The following ZNF563 variants were observed in gnomAD, a reference collection of about 807,000 sequenced individuals.
The protein encoded by ZNF563 is zinc finger protein 563.
A neutral mutation model predicts 48.5 loss-of-function variants in ZNF563; 39 were observed. The ratio of observed to expected loss-of-function variants is 0.80; its 90% confidence interval spans 0.62 to 1.05. The LOEUF (loss-of-function observed/expected upper bound fraction) is 1.05, where lower values mean the gene tolerates loss of function less well. ZNF563 is among the 50% of genes least tolerant of loss of function. The pLI, the probability that ZNF563 is intolerant of heterozygous loss-of-function variation, is 0.00. For missense variants in ZNF563, 538 were observed against 597.0 expected (o/e 0.90, Z 1.03); for synonymous variants, 168 against 187.9 (o/e 0.89, Z 0.87).
At chr19:12,332,600 T>G (rs978042979) in intron 1 of ZNF563, among the ~76,000 whole-genome samples, 1 of 152,146 alleles carries the variant, frequency 6.6e-6, no homozygotes, top group African/African-American at 2.4e-5. Context: ...ACTTTCTTTA[T>G]GGCCCAAGAC....
the ZNF563 span, chr19:12,346,174 G>C: frequency 1.3e-5 from 2 of 151,716 alleles, no homozygotes; most frequent in South Asian, 4.2e-4. Context: ...CAAGCACTTG[G>C]GAGCTGAAAA....
chr19:12,317,964 T>C lies in ZNF563; in HGVS notation c.*630A>G. 1.1e-5 allele frequency: 2 copies of C among 179,726 alleles called. No homozygotes were observed. The allele number at this position is 179,726 out of a possible 1,614,324, so 11.1% of individuals were successfully genotyped here. On this transcript the variant is annotated 3_prime_UTR_variant, in exon 4 of 4. Coordinates refer to ENST00000293725, the MANE Select transcript of ZNF563 (RefSeq NM_145276.3). ...AGAGAACTCAATGCTTTTCTACATT[T>C]CTTACATTCATATGACTTCTCTCCA...
chr19:12,346,866 A>AT, the ZNF563 span: 1 of 152,256 alleles, frequency 6.6e-6, no homozygotes, highest in Non-Finnish European at 1.5e-5. Context: ...ATACTTCCAC[A>AT]TATCTCTCTC....
At chr19:12,331,211 T>A (rs1406104917) in intron 1 of ZNF563, among the ~76,000 whole-genome samples, 2 of 151,916 alleles carry the variant, frequency 1.3e-5, no homozygotes, top group East Asian at 3.9e-4. Context: ...CAGAAATGAG[T>A]GAACAAATCT....
At chr19:12,324,136 C>A (rs1312705537) in intron 1 of ZNF563, among the ~76,000 whole-genome samples, 2 of 152,006 alleles carry the variant, frequency 1.3e-5, no homozygotes, top group African/African-American at 4.8e-5. Flanking sequence ...GGCAGATGGA[C>A]CATTTGAGCC....
At chr19:12,341,568 C>T in the ZNF563 span, among the ~76,000 whole-genome samples, 1 of 152,106 alleles carries the variant, frequency 6.6e-6, no homozygotes, top group African/African-American at 2.4e-5. Context: ...GGGGGGGCTA[C>T]ATCACTATCA....
Position 12,317,922 on chromosome 19 carries a change from G to T in ZNF563, c.*672C>A. 2 of 199,262 alleles carry T rather than the reference G, an allele frequency of 1.0e-5. No homozygotes were observed. 12.3% of individuals were successfully genotyped at this position (199,262 alleles called of 1,614,324 possible). On this transcript the variant is annotated 3_prime_UTR_variant, in exon 4 of 4. Transcript: ENST00000293725. ...GTATCTCTCCAGTGAGTCCTTTTAT[G>T]TCTATGCAAGGACCTGAGAGAACTC...
rs1968565492 is a variant in ZNF563, at chr19:12,319,962, G to A, written c.192-129C>T. ...GATGGAGTCTTGCTCTGTCACCCAG[G>A]CTAGAGTGCAGCGGCACGATCTCGG... On this transcript the variant is annotated intron_variant, in intron 3 of 3. Transcript: ENST00000293725. The A allele has an allele frequency of 5.0e-5, 43 of 858,880 alleles. No homozygotes were observed. In the South Asian group the frequency reaches 7.8e-4, roughly 16 times the overall value. The allele number at this position is 858,880 out of a possible 1,614,324, so 53.2% of individuals were successfully genotyped here.
At position 12,322,608 on chromosome 19, in the gene ZNF563, G is replaced by T. The variant is rs755347373; in HGVS notation, c.107C>A (p.Thr36Asn). 1.1e-5 allele frequency: 17 copies of T among 1,605,024 alleles called. No individual in the cohort carries two copies. Among genetic ancestry groups the T allele is most frequent in the Non-Finnish European group, 1.4e-5 (16 of 1,175,224 alleles). ...ACTTATACAGTCCAGGTTCCTGATG[G>T]TTTCTTGCATCACATATCTGTATAA... ...KNLYRYVMQETIRNLDCIRMI... is the reference protein window; with the variant it reads ...KNLYRYVMQENIRNLDCIRMI... Residue 36 changes from threonine to asparagine, a missense_variant, in exon 2 of 4, where the codon ACC becomes AAC. Physicochemically the swap from Thr to Asn is moderately conservative, Grantham distance 65. Transcript: ENST00000293725.
At chr19:12,321,378 TATAAA>T (rs768127438) in intron 2 of ZNF563, 46 bp from the exon 3 acceptor site, 23 of 1,244,332 alleles carry the variant, frequency 1.8e-5, no homozygotes, top group Admixed American at 2.6e-5. Flanking sequence ...TAGAAAATTA[TATAAA>T]ACAGTAAGAT....
the ZNF563 span, among the ~76,000 whole-genome samples, chr19:12,339,271 TTC>T: frequency 2.1e-5 from 3 of 145,048 alleles, no homozygotes; most frequent in Admixed American, 6.9e-5. Context: ...TCCAGTTGAT[TTC>T]TTTTTTTTTT....
At chr19:12,326,024 T>C (rs1355125199) in intron 1 of ZNF563, among the ~76,000 whole-genome samples, 1 of 152,216 alleles carries the variant, frequency 6.6e-6, no homozygotes, top group Non-Finnish European at 1.5e-5. Context: ...AAATGTCTAC[T>C]TTTCAATGCA....
intron 1 of ZNF563, among the ~76,000 whole-genome samples, chr19:12,332,722 G>A (rs943102391): frequency 6.6e-6 from 1 of 152,060 alleles, no homozygotes; most frequent in Non-Finnish European, 1.5e-5. Flanking sequence ...TAAGCTCCCT[G>A]CTGCCTTGGC....
Position 12,318,977 on chromosome 19 carries a change from T to A in ZNF563, c.1048A>T (p.Ser350Cys), listed in dbSNP as rs1284374663. 6.2e-7 allele frequency: 1 copy of A among 1,614,222 alleles called. No individual in the cohort carries two copies. The highest frequency in any genetic ancestry group is 1.1e-5 in the South Asian group (1 of 91,084). Reference sequence around the variant, plus strand: ...ATTCGTTCATGATATCGAACTAAACTGGGACGATCAAAGCCTTTCCCACAT... The same window carrying A: ...ATTCGTTCATGATATCGAACTAAACAGGGACGATCAAAGCCTTTCCCACAT... The part of the protein sequence containing the change: ...KICGKGFDRP[S>C]LVRYHERIHT... Residue 350 changes from serine to cysteine, a missense_variant, in exon 4 of 4, where the codon AGT becomes TGT. Coordinates refer to ENST00000293725, the MANE Select transcript of ZNF563 (RefSeq NM_145276.3).
chr19:12,328,868 C>T (rs914124937), intron 1 of ZNF563, among the ~76,000 whole-genome samples: 2 of 151,662 alleles, frequency 1.3e-5, no homozygotes, highest in Non-Finnish European at 2.9e-5. Flanking sequence ...TGAAAAGTCT[C>T]AAAAAAGTGG....
At chr19:12,338,561 A>T (rs1481036972), upstream of ZNF563, among the ~76,000 whole-genome samples, 1 of 152,062 alleles carries the variant, frequency 6.6e-6, no homozygotes, top group African/African-American at 2.4e-5. Flanking sequence ...CTATTTTAAA[A>T]CACTACAGTT....
chr19:12,341,929 A>G, the ZNF563 span, among the ~76,000 whole-genome samples: 4 of 152,248 alleles, frequency 2.6e-5, no homozygotes, highest in Non-Finnish European at 5.9e-5. Flanking sequence ...TCAAGTGCAC[A>G]TGGAACGCTC....
Position 12,319,639 on chromosome 19 carries a change from T to C in ZNF563, c.386A>G (p.Lys129Arg), listed in dbSNP as rs370884012. Residue 129 changes from lysine (K) to arginine (R), a missense_variant, in exon 4 of 4, where the codon AAA (lysine) becomes AGA (arginine). Coordinates refer to ENST00000293725, the MANE Select transcript of ZNF563 (RefSeq NM_145276.3). ...NSHIRVDSGH[K>R]PHEYQEYGEK... Reference sequence around the variant, plus strand: ...TCCATATTCCTGATACTCATGTGGTTTGTGTCCAGAATCAACTCTGATGTG... The same window carrying C: ...TCCATATTCCTGATACTCATGTGGTCTGTGTCCAGAATCAACTCTGATGTG... 3.1e-6 allele frequency: 5 copies of C among 1,614,070 alleles called. No individual in the cohort carries two copies. The African/African-American group carries it at 5.3e-5, about 17-fold the overall frequency.
chr19:12,343,728 T>A, the ZNF563 span, among the ~76,000 whole-genome samples: 1 of 135,708 alleles, frequency 7.4e-6, no homozygotes, highest in South Asian at 2.4e-4. Context: ...ATAAATTCTT[T>A]TTTTTTTTTT....
Sources: gnomAD v4.1 joint callset for allele counts (sites outside exome capture counted in the v4.1 genomes callset) on GRCh38, gnomAD v4.1.1 for gene constraint, MANE v1.5 for transcripts, NCBI Gene and HGNC (gene_info 2026-07-23, HGNC 2026-07-21) for gene names.